The following PLPPR4 variants were observed in gnomAD, a reference collection of about 807,000 sequenced individuals.
The protein encoded by PLPPR4 is phospholipid phosphatase-related protein type 4.
Under a neutral mutation model 56.6 loss-of-function variants are expected in PLPPR4, and 24 were observed. The observed-to-expected ratio is 0.42, with a 90% CI of 0.31 to 0.60. The LOEUF (loss-of-function observed/expected upper bound fraction) is 0.60. PLPPR4 is among the 20% of genes least tolerant of loss of function. The pLI, the probability that PLPPR4 is intolerant of heterozygous loss-of-function variation, is 0.13. For synonymous variants in PLPPR4, 326 were observed against 328.1 expected, an observed-to-expected ratio of 0.99 and a Z score of 0.07; for missense variants, 654 against 885.8, an observed-to-expected ratio of 0.74 and a Z score of 3.32.
rs942929071 is a variant in PLPPR4, at chr1:99,290,851, C to T, written c.264+2701C>T. 1.1e-4 allele frequency among the ~76,000 whole-genome samples: 17 copies of T among 152,160 alleles called. No individual in the cohort carries two copies. The East Asian group carries it at 3.3e-3, about 29-fold the overall frequency. ...ACACTATAAAAACCCTGGAAGAAAA[C>T]TTAGGCAGTACCATTCAAGTCATAG... On this transcript the variant is annotated intron_variant, in intron 2 of 6. Coordinates refer to ENST00000370185, the MANE Select transcript of PLPPR4 (RefSeq NM_014839.5).
At chr1:99,264,913 G>T (rs1658852084) in intron 1 of PLPPR4, among the ~76,000 whole-genome samples, 1 of 152,198 alleles carries the variant, frequency 6.6e-6, no homozygotes, top group Non-Finnish European at 1.5e-5. Context: ...GCAGGGAACG[G>T]ATACCTGTGT....
At chr1:99,295,720 A>G (rs1659723572) in intron 2 of PLPPR4, among the ~76,000 whole-genome samples, 1 of 152,206 alleles carries the variant, frequency 6.6e-6, no homozygotes, top group Non-Finnish European at 1.5e-5. Context: ...CCAACGGCCT[A>G]AGGTAGTTAG....
chr1:99,289,663 C>T (rs531739088), intron 2 of PLPPR4, among the ~76,000 whole-genome samples: 90 of 151,720 alleles, frequency 5.9e-4, no homozygotes, highest in Non-Finnish European at 1.3e-3. Context: ...GTCATTTTAC[C>T]AGGGCAGAAA....
intron 1 of PLPPR4, among the ~76,000 whole-genome samples, chr1:99,284,180 A>G (rs1557777097): frequency 6.6e-6 from 1 of 152,220 alleles, no homozygotes; most frequent in Non-Finnish European, 1.5e-5. Flanking sequence ...CCGTCTGTTA[A>G]ATTCCTTACA....
At chr1:99,280,441 A>T (rs533308974) in intron 1 of PLPPR4, among the ~76,000 whole-genome samples, 1 of 152,258 alleles carries the variant, frequency 6.6e-6, no homozygotes, top group East Asian at 1.9e-4. Context: ...TTGTTCCTTT[A>T]ATCATAATTT....
chr1:99,305,742 G>A lies in PLPPR4; in HGVS notation c.880G>A (p.Asp294Asn), dbSNP rs1660006399. 2 of 1,613,914 alleles carry A rather than the reference G, an allele frequency of 1.2e-6. No individual in the cohort carries two copies. Among genetic ancestry groups the A allele is most frequent in the Admixed American group, 1.7e-5 (1 of 59,994 alleles). The change falls in exon 7 of 7, where the codon GAC becomes AAC. Residue 294 changes from aspartate (D) to asparagine (N), a missense_variant. Coordinates refer to ENST00000370185, the MANE Select transcript of PLPPR4 (RefSeq NM_014839.5). ...PSDESMFQHR[D>N]ALRSLTDLNQ... ...TGATGAGAGTATGTTTCAGCACAGA[G>A]ACGCCCTCAGGTCTCTGACAGACCT...
intron 1 of PLPPR4, among the ~76,000 whole-genome samples, chr1:99,266,390 A>G (rs980123918): frequency 9.2e-5 from 14 of 152,332 alleles, no homozygotes; most frequent in African/African-American, 3.4e-4. Context: ...AGAGGAGGCA[A>G]ACCAGAGAAT....
chr1:99,296,156 G>A (rs935304917), intron 2 of PLPPR4, among the ~76,000 whole-genome samples: 2 of 152,146 alleles, frequency 1.3e-5, no homozygotes, highest in Non-Finnish European at 2.9e-5. Context: ...TTCTGACCTA[G>A]ATTCTCTTGT....
chr1:99,284,395 T>C (rs1374537587), intron 1 of PLPPR4, among the ~76,000 whole-genome samples: 1 of 152,030 alleles, frequency 6.6e-6, no homozygotes, highest in African/African-American at 2.4e-5. Flanking sequence ...AACAAAATGA[T>C]GTAAGGAGCA....
Position 99,296,726 on chromosome 1 carries a change from C to T in PLPPR4, c.265-12C>T. On this transcript the variant is annotated splice_polypyrimidine_tract_variant and intron_variant, in intron 2 of 6. Transcript: ENST00000370185. ...AACATGCCTCTTCCTGAATACCCTT[C>T]TATCTTTGCAGATTATGGTAGGAGA... is the stretch of plus-strand genomic sequence containing the variant. The T allele has an allele frequency of 6.3e-7, 1 of 1,580,578 alleles. No homozygotes were observed. The highest frequency in any genetic ancestry group is 1.3e-5 in the African/African-American group (1 of 74,280).
intron 5 of PLPPR4, 126 bp from the exon 6 acceptor site, chr1:99,301,598 A>G (rs1417717068): frequency 3.4e-6 from 2 of 592,200 alleles, no homozygotes; most frequent in Non-Finnish European, 5.8e-6. Context: ...GAACATAGCC[A>G]TAGGAAGAGG....
At position 99,309,327 on chromosome 1, in the gene PLPPR4, C is replaced by T. The variant is rs2100816768; in HGVS notation, c.*2317C>T. 6.6e-6 allele frequency: 1 copy of T among 152,370 alleles called. No homozygotes were observed. Among genetic ancestry groups the T allele is most frequent in the South Asian group, 2.1e-4 (1 of 4,828 alleles). 9.4% of individuals were successfully genotyped at this position (152,370 alleles called of 1,614,324 possible). ...TATTTGCTAATGGGAGCACTTCTTC[C>T]TTTGTTAGGCTGTGCTTTACTGATA... On this transcript the variant is annotated 3_prime_UTR_variant, in exon 7 of 7. Transcript: ENST00000370185.
intron 1 of PLPPR4, among the ~76,000 whole-genome samples, chr1:99,272,966 A>G (rs990687849): frequency 6.6e-6 from 1 of 152,154 alleles, no homozygotes; most frequent in Non-Finnish European, 1.5e-5. Context: ...CAGAAGAAAA[A>G]AAAAGGTGAT....
intron 1 of PLPPR4, among the ~76,000 whole-genome samples, chr1:99,282,971 C>T (rs11166213): frequency 0.039 from 5,657 of 146,800 alleles, 143 homozygotes; most frequent in Non-Finnish European, 0.056. Context: ...TATATATGTG[C>T]AATATATAGT....
At chr1:99,299,274 A>T (rs182531340) in intron 4 of PLPPR4, 44 bp downstream of exon 4, 17 of 1,406,284 alleles carry the variant, frequency 1.2e-5, no homozygotes, top group Non-Finnish European at 1.6e-5. Context: ...TGTTTTCATT[A>T]TTCAATTGCT....
intron 1 of PLPPR4, among the ~76,000 whole-genome samples, chr1:99,270,165 C>T (rs1280958073): frequency 1.3e-5 from 2 of 151,972 alleles, no homozygotes; most frequent in African/African-American, 2.4e-5. Flanking sequence ...CGTGGGACTA[C>T]AGGCATGCAC....
chr1:99,263,616 A>G (rs1216474704), upstream of PLPPR4, among the ~76,000 whole-genome samples: 1 of 152,174 alleles, frequency 6.6e-6, no homozygotes, highest in East Asian at 1.9e-4. Flanking sequence ...TTCTATATCA[A>G]CTTGATACTT....
chr1:99,266,666 A>G (rs1242813666), intron 1 of PLPPR4, among the ~76,000 whole-genome samples: 2 of 152,246 alleles, frequency 1.3e-5, no homozygotes, highest in African/African-American at 4.8e-5. Flanking sequence ...AACACAATTC[A>G]TGGAGTTTAA....
At chr1:99,272,334 C>G (rs1046230372) in intron 1 of PLPPR4, among the ~76,000 whole-genome samples, 11 of 152,138 alleles carry the variant, frequency 7.2e-5, no homozygotes, top group Non-Finnish European at 1.2e-4. Context: ...TAAGGACACA[C>G]TGGTTAATAT....
Sources: allele counts gnomAD v4.1 joint callset (sites outside exome capture counted in the v4.1 genomes callset), GRCh38; gene constraint gnomAD v4.1.1; transcripts MANE v1.5; gene names NCBI Gene and HGNC (gene_info 2026-07-23, HGNC 2026-07-21).